Variants in DBH observed in about 807,000 individuals in gnomAD.
DBH encodes dopamine beta-hydroxylase (dopamine beta-monooxygenase).
DBH carries 49 observed loss-of-function variants against 64.0 expected under a neutral mutation model. That is an observed-to-expected ratio of 0.77 (90% CI 0.61 to 0.97). The LOEUF is 0.97. DBH is among the 50% of genes least tolerant of loss of function. The pLI is 0.00. For synonymous variants in DBH, 343 were observed against 347.1 expected, an observed-to-expected ratio of 0.99 and a Z score of 0.13; for missense variants, 828 against 826.6, an observed-to-expected ratio of 1.00 and a Z score of -0.02.
In DBH at chr9:133,647,962, G is replaced by A; in HGVS notation, c.1141G>A (p.Glu381Lys). Residue 381 changes from glutamate to lysine, a missense_variant, in exon 6 of 12, where the codon GAG becomes AAG. Transcript: ENST00000393056. ...GCCAGTGATGGCCATTCCACCACGG[G>A]AGACCGCCTTCATCCTCACTGGCTA... is the stretch of plus-strand genomic sequence containing the variant. Reference protein sequence around the residue: ...YTPVMAIPPRETAFILTGYCT... With the variant: ...YTPVMAIPPRKTAFILTGYCT... The A allele has an allele frequency of 6.2e-7, 1 of 1,613,986 alleles. No individual in the cohort carries two copies. The highest frequency in any genetic ancestry group is 1.3e-5 in the African/African-American group (1 of 75,060).
Position 133,643,463 on chromosome 9 carries a change from A to G in DBH, c.795A>G (p.Glu265=). 6.2e-7 allele frequency: 1 copy of G among 1,612,754 alleles called. No individual in the cohort carries two copies. Among genetic ancestry groups the G allele is most frequent in the Non-Finnish European group, 8.5e-7 (1 of 1,179,594 alleles). ...KGNEALVHHM[E]VFQCAPEMDS... ...ATGAGGCCCTTGTCCACCACATGGAAGTCTTCCAGTGCGCCCCCGAGATGG... is the reference window on the plus strand; with the variant it reads ...ATGAGGCCCTTGTCCACCACATGGAGGTCTTCCAGTGCGCCCCCGAGATGG... The change falls in exon 4 of 12, where the codon GAA becomes GAG. Residue 265 remains glutamate (E), a synonymous_variant. Coordinates refer to ENST00000393056, the MANE Select transcript of DBH (RefSeq NM_000787.4). The surrounding 1 kb of genome is among the most constrained non-coding windows in gnomAD (Gnocchi z 5.3).
chr9:133,652,149 G>C, intron 7 of DBH, 97 bp from the exon 8 acceptor site: 2 of 1,406,790 alleles, frequency 1.4e-6, no homozygotes. Flanking sequence ...CACCCCCAGA[G>C]GTCAGGGAGG....
intron 10 of DBH, 42 bp downstream of exon 10, chr9:133,656,692 C>G (rs368649257): frequency 1.2e-6 from 2 of 1,606,908 alleles, no homozygotes; most frequent in South Asian, 1.1e-5. Context: ...CAGGGAACCC[C>G]GACACAGAAC....
At position 133,644,895 on chromosome 9, in the gene DBH, C is replaced by T. The variant is rs191681476; in HGVS notation, c.1024+575C>T. Among the ~76,000 whole-genome samples, 11 of 152,324 alleles carry T rather than the reference C, an allele frequency of 7.2e-5. No individual in the cohort carries two copies. In the East Asian group the frequency reaches 1.7e-3, roughly 24 times the overall value. ...GAAACTGAAAAAAATACTTCCCTCT[C>T]TCTGTTGCACCAGCATCTTTCACCA... is the stretch of plus-strand genomic sequence containing the variant. On this transcript the variant is annotated intron_variant, in intron 5 of 11. Coordinates refer to ENST00000393056, the MANE Select transcript of DBH (RefSeq NM_000787.4).
At chr9:133,642,860 T>TC (rs968706793) in intron 3 of DBH, among the ~76,000 whole-genome samples, 1 of 152,204 alleles carries the variant, frequency 6.6e-6, no homozygotes, top group African/African-American at 2.4e-5. Context: ...GCGATAGCTG[T>TC]CGAGTGTCCA....
At chr9:133,646,438 C>T (rs1452981198) in intron 5 of DBH, among the ~76,000 whole-genome samples, 4 of 152,202 alleles carry the variant, frequency 2.6e-5, no homozygotes, top group African/African-American at 9.6e-5. Flanking sequence ...GCTGCTGATT[C>T]ACTAGGCATG....
At chr9:133,639,082 T>G (rs1832086068) in intron 1 of DBH, among the ~76,000 whole-genome samples, 1 of 152,052 alleles carries the variant, frequency 6.6e-6, no homozygotes, top group Admixed American at 6.6e-5. Flanking sequence ...GAACAATGCC[T>G]AGGCTGCAGG....
rs1278514203 is a variant in DBH, at chr9:133,649,943, G to A, written c.1192-1691G>A. 5.3e-5 allele frequency among the ~76,000 whole-genome samples: 8 copies of A among 152,224 alleles called. 1 individual carries two copies. The highest frequency in any genetic ancestry group is 1.5e-5 in the Non-Finnish European group (1 of 68,046). On this transcript the variant is annotated intron_variant, in intron 6 of 11. Transcript: ENST00000393056. ...GAATGTTCAGTCTTGTCTCTCCTTT[G>A]GCAGATAAAAGAGGGGCACAAATTC...
At chr9:133,652,868 A>G (rs887684561) in intron 8 of DBH, 72 bp from the exon 9 acceptor site, 3 of 1,077,780 alleles carry the variant, frequency 2.8e-6, no homozygotes, top group Non-Finnish European at 4.3e-6. Context: ...GCGTGGTCCT[A>G]TGGGGGCGAG....
At position 133,639,652 on chromosome 9, in the gene DBH, G is replaced by A. The variant is rs117560710; in HGVS notation, c.340-194G>A. The stretch of plus-strand genomic sequence containing the variant: ...TCGGGGCTCATCTCCACTGTCTCCA[G>A]GCAGAAATGGAGATAGAAGGTGTGA... On this transcript the variant is annotated intron_variant, in intron 1 of 11. Transcript: ENST00000393056. Among the ~76,000 whole-genome samples, 147 of 152,310 alleles carry A rather than the reference G, an allele frequency of 9.7e-4. No homozygotes were observed. In the East Asian group the frequency reaches 0.022, roughly 23 times the overall value.
At chr9:133,647,316 C>T (rs1337761214) in intron 5 of DBH, among the ~76,000 whole-genome samples, 1 of 152,230 alleles carries the variant, frequency 6.6e-6, no homozygotes, top group Non-Finnish European at 1.5e-5. Flanking sequence ...AGGGCCAGGG[C>T]TCTTCTGTGC....
intron 10 of DBH, 82 bp downstream of exon 10, chr9:133,656,732 G>A (rs905668767): frequency 1.3e-6 from 2 of 1,551,644 alleles, no homozygotes; most frequent in Non-Finnish European, 1.8e-6. Context: ...TGGGCAGATT[G>A]GAGGAGTCCA....
Position 133,657,431 on chromosome 9 carries a change from GAGGAGAGAGAGGA to G in DBH, c.1722+203_1722+215del, listed in dbSNP as rs1437430545. The G allele has an allele frequency of 3.0e-5, 14 of 464,858 alleles. No individual in the cohort carries two copies. The African/African-American group carries it at 3.1e-4, about 10-fold the overall frequency. 28.8% of individuals were successfully genotyped at this position (464,858 alleles called of 1,614,324 possible). A position where few individuals can be genotyped will look rare whatever the true frequency, so the allele number is the denominator to read the frequency against. ...GAGGAGAGAGGAGAGAGAGGAGAGA[GAGGAGAGAGAGGA>G]GAGAGAGGAGAGAGGGAGAGGGAGA... On this transcript the variant is annotated intron_variant, in intron 11 of 11. Transcript: ENST00000393056.
At chr9:133,656,490 GC>G in intron 9 of DBH, 32 bp from the exon 10 acceptor site, 4 of 1,613,272 alleles carry the variant, frequency 2.5e-6, no homozygotes, top group Non-Finnish European at 3.4e-6. Flanking sequence ...GCGTGGCATG[GC>G]CCGGGGCTGA....
At chr9:133,648,582 T>C (rs1016495279) in intron 6 of DBH, among the ~76,000 whole-genome samples, 1 of 152,212 alleles carries the variant, frequency 6.6e-6, no homozygotes, top group Non-Finnish European at 1.5e-5. Context: ...AGGATGGGGT[T>C]TTCACCACGC....
At chr9:133,655,750 C>T (rs1832309048) in intron 9 of DBH, 2 of 152,466 alleles carry the variant, frequency 1.3e-5, no homozygotes, top group Admixed American at 1.3e-4. Flanking sequence ...CGGCCCCTGA[C>T]CTGCTGGGAT....
chr9:133,650,205 C>T (rs1007998546), intron 6 of DBH, among the ~76,000 whole-genome samples: 9 of 152,116 alleles, frequency 5.9e-5, no homozygotes, highest in African/African-American at 1.9e-4. Flanking sequence ...CTATAGGCGA[C>T]GGCAAGGTCA....
intron 2 of DBH, among the ~76,000 whole-genome samples, chr9:133,640,203 C>G (rs948354377): frequency 6.6e-6 from 1 of 152,222 alleles, no homozygotes; most frequent in Non-Finnish European, 1.5e-5. Flanking sequence ...GCCCCTGAGC[C>G]CTCAAAGACG....
chr9:133,658,057 T>C (rs1832358219), intron 11 of DBH, among the ~76,000 whole-genome samples: 1 of 151,704 alleles, frequency 6.6e-6, no homozygotes, highest in Non-Finnish European at 1.5e-5. Flanking sequence ...GGGTGAATGA[T>C]TAAATTGGGT....
Sources: allele counts gnomAD v4.1 joint callset (sites outside exome capture counted in the v4.1 genomes callset), GRCh38; gene constraint gnomAD v4.1.1; non-coding constraint Gnocchi (gnomAD v3.1); transcripts MANE v1.5; gene names NCBI Gene and HGNC (gene_info 2026-07-23, HGNC 2026-07-21).